Variants in ZNF182 observed in about 807,000 individuals in gnomAD.
ZNF182 encodes the protein zinc finger protein 21 (KOX 14).
A neutral mutation model predicts 28.1 loss-of-function variants in ZNF182; 10 were observed. The ratio of observed to expected loss-of-function variants is 0.36; its 90% confidence interval spans 0.22 to 0.60. ZNF182 has a LOEUF of 0.60. ZNF182 is among the 20% of genes least tolerant of loss of function. ZNF182 has a pLI of 0.75. For synonymous variants in ZNF182, 156 were observed against 158.7 expected (o/e 0.98, Z 0.13); for missense variants, 352 against 453.2 (o/e 0.78, Z 2.03).
rs544884631 is a variant in ZNF182, at chrX:47,980,730, C to T, written c.232+2219G>A. Among the ~76,000 whole-genome samples, 7 of 111,341 alleles carry T rather than the reference C, an allele frequency of 6.3e-5. No individual in the cohort carries two copies. The East Asian group carries it at 1.4e-3, about 22-fold the overall frequency. The stretch of plus-strand genomic sequence containing the variant: ...AGGTTACCTATGAGGAAGGAAGGAA[C>T]GAAGGGAATGGAATGGAAAGGGAAA... On this transcript the variant is annotated intron_variant, in intron 5 of 5. Coordinates refer to ENST00000376943, the MANE Select transcript of ZNF182 (RefSeq NM_001007088.2).
chrX:48,001,456 G>A (rs2058978250), intron 3 of ZNF182, among the ~76,000 whole-genome samples: 1 of 111,883 alleles, frequency 8.9e-6, no homozygotes, highest in South Asian at 3.7e-4. Context: ...CATACCATAC[G>A]ATCCATTTCT....
chrX:47,990,250 C>T (rs937287608), intron 3 of ZNF182, among the ~76,000 whole-genome samples: 17 of 111,408 alleles, frequency 1.5e-4, no homozygotes, highest in Admixed American at 1.3e-3. Flanking sequence ...TCCAAAAATC[C>T]GCGTCTGGTT....
chrX:47,977,738 G>C lies in ZNF182; in HGVS notation c.292C>G (p.Leu98Val), dbSNP rs1229562370. 8.3e-7 allele frequency: 1 copy of C among 1,202,576 alleles called. No individual in the cohort carries two copies. The highest frequency in any genetic ancestry group is 1.1e-6 in the Non-Finnish European group (1 of 891,299). The change falls in exon 6 of 6, where the codon CTG becomes GTG. Residue 98 changes from leucine (L) to valine (V), a missense_variant. Physicochemically the swap from Leu to Val is conservative, Grantham distance 32. Transcript: ENST00000376943. ...RQHQDDQDKC[L>V]LMQVGFSDKK... ...TCAGAAAATCCAACTTGCATCAGCAGACATTTATCTTGGTCATCCTGATGT... is the reference window on the plus strand; with the variant it reads ...TCAGAAAATCCAACTTGCATCAGCACACATTTATCTTGGTCATCCTGATGT...
chrX:47,981,258 T>C (rs1556899068), intron 5 of ZNF182, among the ~76,000 whole-genome samples: 1 of 111,295 alleles, frequency 9.0e-6, no homozygotes, highest in Admixed American at 9.5e-5. Context: ...AGGCAGGAAA[T>C]ATACAAAAGG....
Position 47,977,793 on chromosome X carries a change from G to A in ZNF182, c.237C>T (p.Val79=). 8.6e-7 allele frequency: 1 copy of A among 1,167,575 alleles called. No individual in the cohort carries two copies. The highest frequency in any genetic ancestry group is 1.1e-6 in the Non-Finnish European group (1 of 873,509). Residue 79 remains valine, a synonymous_variant, in exon 6 of 6, where the codon GTC becomes GTT. Coordinates refer to ENST00000376943, the MANE Select transcript of ZNF182 (RefSeq NM_001007088.2). ...GKIPFWNFPE[V]CQVDEQIERQ... ...TCTCAATCTGTTCATCAACTTGACA[G>A]ACTTCTAGAAAGAAGTACAATAAAC...
In ZNF182 at chrX:47,983,058, G is replaced by C; in HGVS notation, c.143-20C>G. ...GCTGCCCTGTTGATGAGAAATGACA[G>C]TGATACCTCCTTGGCTTTCAGAGCC... On this transcript the variant is annotated intron_variant, in intron 4 of 5. Coordinates refer to ENST00000376943, the MANE Select transcript of ZNF182 (RefSeq NM_001007088.2). 8.3e-7 allele frequency: 1 copy of C among 1,201,314 alleles called. No homozygotes were observed. Among genetic ancestry groups the C allele is most frequent in the Admixed American group, 2.2e-5 (1 of 45,966 alleles).
chrX:47,977,927 T>G, intron 5 of ZNF182, 130 bp from the exon 6 acceptor site: 1 of 591,007 alleles, frequency 1.7e-6, no homozygotes, highest in Non-Finnish European at 2.5e-6. Context: ...AGAGAGTTTT[T>G]TACTAAACTC....
Position 47,983,069 on chromosome X carries a change from T to C in ZNF182, c.143-31A>G, listed in dbSNP as rs1556899342. 4.2e-6 allele frequency: 5 copies of C among 1,193,033 alleles called. No individual in the cohort carries two copies. The Admixed American group carries it at 1.1e-4, about 26-fold the overall frequency. ...GATGAGAAATGACAGTGATACCTCC[T>C]TGGCTTTCAGAGCCTCTGAGACAGA... On this transcript the variant is annotated intron_variant, in intron 4 of 5. Transcript: ENST00000376943.
At chrX:47,981,151 C>A (rs1177439981) in intron 5 of ZNF182, among the ~76,000 whole-genome samples, 1 of 112,262 alleles carries the variant, frequency 8.9e-6, no homozygotes, top group African/African-American at 3.2e-5. Flanking sequence ...GAAAAGGCCT[C>A]AAAACAATTC....
chrX:47,976,786 A>G lies in ZNF182; in HGVS notation c.1244T>C (p.Val415Ala). The part of the protein sequence containing the change: ...HTGEKPYECD[V>A]CGKTFTQKSN... The stretch of plus-strand genomic sequence containing the variant: ...CTTTTGCGTGAAGGTTTTTCCACAC[A>G]CATCACATTCATAGGGTTTCTCTCC... Residue 415 changes from valine to alanine, a missense_variant, in exon 6 of 6, where the codon GTG becomes GCG. By Grantham distance (64) the Val-to-Ala change is moderately conservative. Transcript: ENST00000376943. The G allele has an allele frequency of 8.3e-7, 1 of 1,209,870 alleles. No homozygotes were observed. Among genetic ancestry groups the G allele is most frequent in the Non-Finnish European group, 1.1e-6 (1 of 894,892 alleles).
chrX:47,983,362 C>T lies in ZNF182; in HGVS notation c.65G>A (p.Trp22Ter), dbSNP rs1266924067. 1 of 1,208,759 alleles carries T rather than the reference C, an allele frequency of 8.3e-7. No homozygotes were observed. The highest frequency in any genetic ancestry group is 1.1e-6 in the Non-Finnish European group (1 of 894,708). The stretch of plus-strand genomic sequence containing the variant: ...CCTCTGTGGTGGGTTCAGGTACTGC[C>T]ACTCCTCCTGGGTGAAATCCACAGC... Reference protein sequence around the residue: ...DVAVDFTQEEWQYLNPPQRTL... With the variant: ...DVAVDFTQEE Residue 22 changes from tryptophan (W) to a stop codon, truncating the protein, a stop_gained, in exon 4 of 6, where the codon TGG (tryptophan) becomes TAG (stop). Transcript: ENST00000376943. LOFTEE classifies it high-confidence loss of function.
At chrX:47,980,963 T>C (rs1184728984) in intron 5 of ZNF182, among the ~76,000 whole-genome samples, 1 of 111,814 alleles carries the variant, frequency 8.9e-6, no homozygotes, top group Non-Finnish European at 1.9e-5. Context: ...CCTCAATTCA[T>C]TCAACTCGCT....
At chrX:47,999,102 G>A (rs2058969540) in intron 3 of ZNF182, among the ~76,000 whole-genome samples, 1 of 111,645 alleles carries the variant, frequency 9.0e-6, no homozygotes, top group Non-Finnish European at 1.9e-5. Context: ...AATTCAGGCC[G>A]GGAGCGGTGG....
Position 47,976,849 on chromosome X carries a change from T to C in ZNF182, c.1181A>G (p.Glu394Gly). 1 of 1,209,126 alleles carries C rather than the reference T, an allele frequency of 8.3e-7. No individual in the cohort carries two copies. Among genetic ancestry groups the C allele is most frequent in the Non-Finnish European group, 1.1e-6 (1 of 894,264 alleles). Residue 394 changes from glutamate to glycine, a missense_variant, in exon 6 of 6, where the codon GAG becomes GGG. Transcript: ENST00000376943. ...TTGATGCACAATGAGGGTTGACTTCTCATTGAAAGACTTCCCACATTCAGT... is the reference window on the plus strand; with the variant it reads ...TTGATGCACAATGAGGGTTGACTTCCCATTGAAAGACTTCCCACATTCAGT... ...KCTECGKSFN[E>G]KSTLIVHQRT... is the part of the protein sequence containing the mutation.
At chrX:47,981,653 C>G (rs2058906088) in intron 5 of ZNF182, among the ~76,000 whole-genome samples, 1 of 112,040 alleles carries the variant, frequency 8.9e-6, no homozygotes, top group Admixed American at 9.4e-5. Flanking sequence ...GTAATCCCAG[C>G]ACTTTGGGAG....
At chrX:47,980,102 G>A (rs1396053953) in intron 5 of ZNF182, among the ~76,000 whole-genome samples, 2 of 111,552 alleles carry the variant, frequency 1.8e-5, no homozygotes, top group Non-Finnish European at 3.8e-5. Context: ...TTACACAATG[G>A]AATACTGTTC....
chrX:47,986,840 G>A (rs1161725154), intron 3 of ZNF182, among the ~76,000 whole-genome samples: 2 of 112,017 alleles, frequency 1.8e-5, no homozygotes, highest in Admixed American at 1.9e-4. Flanking sequence ...CTCCCATACT[G>A]GATGCTTCCT....
chrX:47,988,037 C>T (rs1283849890), intron 3 of ZNF182, among the ~76,000 whole-genome samples: 1 of 111,361 alleles, frequency 9.0e-6, no homozygotes, highest in African/African-American at 3.3e-5. Context: ...GTGATCCTGG[C>T]TGGGTGTGGT....
chrX:47,991,471 C>CT (rs1469592218), intron 3 of ZNF182, among the ~76,000 whole-genome samples: 1 of 112,548 alleles, frequency 8.9e-6, no homozygotes, highest in Non-Finnish European at 1.9e-5. Context: ...GGTGACCACA[C>CT]TTTGGTTACT....
Sources: allele counts gnomAD v4.1 joint callset (sites outside exome capture counted in the v4.1 genomes callset), GRCh38; gene constraint gnomAD v4.1.1; transcripts MANE v1.5; gene names NCBI Gene and HGNC (gene_info 2026-07-23, HGNC 2026-07-21).